KIF6: variants seen among roughly 807,000 people sequenced by gnomAD.
The protein encoded by KIF6 is kinesin family member 6, also known as kinesin-like protein KIF6.
Under a neutral mutation model 112.7 loss-of-function variants are expected in KIF6, and 106 were observed. The observed-to-expected ratio is 0.94, with a 90% confidence interval of 0.80 to 1.11. The LOEUF is 1.11. Ranked by LOEUF, KIF6 falls within the 50% of genes least tolerant of loss-of-function variation. KIF6 has a pLI of 0.00. For missense variants in KIF6, 929 were observed against 964.0 expected (o/e 0.96, Z 0.48); for synonymous variants, 339 against 339.9 (o/e 1.00, Z 0.03).
At chr6:39,500,357 A>C (rs775353114) in intron 13 of KIF6, among the ~76,000 whole-genome samples, 9 of 152,218 alleles carry the variant, frequency 5.9e-5, no homozygotes, top group Non-Finnish European at 8.8e-5. Context: ...GAGAACTGGC[A>C]AGAATAAATA....
chr6:39,365,680 A>G (rs1191135964), intron 16 of KIF6, among the ~76,000 whole-genome samples: 1 of 152,232 alleles, frequency 6.6e-6, no homozygotes, highest in East Asian at 1.9e-4. Context: ...CCTGCTAAAA[A>G]AGTAACACTG....
At chr6:39,340,875 ATGGT>A (rs1407138934) in intron 22 of KIF6, among the ~76,000 whole-genome samples, 1 of 152,026 alleles carries the variant, frequency 6.6e-6, no homozygotes, top group East Asian at 1.9e-4. Context: ...GGGAGGAATG[ATGGT>A]TGGTTTCTAT....
intron 16 of KIF6, among the ~76,000 whole-genome samples, chr6:39,377,032 C>T (rs532748993): frequency 6.6e-6 from 1 of 152,164 alleles, no homozygotes; most frequent in South Asian, 2.1e-4. Context: ...TTGCAGACCA[C>T]TGGGCTAGAG....
intron 13 of KIF6, among the ~76,000 whole-genome samples, chr6:39,489,251 T>G (rs1775317290): frequency 6.6e-6 from 1 of 152,136 alleles, no homozygotes; most frequent in Non-Finnish European, 1.5e-5. Flanking sequence ...TGAAGCTCAG[T>G]TTTTTAAAGG....
intron 3 of KIF6, 146 bp from the exon 4 acceptor site, chr6:39,639,903 C>T (rs1007100685): frequency 4.7e-6 from 3 of 631,782 alleles, no homozygotes; most frequent in East Asian, 3.0e-5. Context: ...ATGTGAATAT[C>T]TAGCTAGAAT....
At chr6:39,486,240 C>T (rs1775106229) in intron 13 of KIF6, among the ~76,000 whole-genome samples, 1 of 152,174 alleles carries the variant, frequency 6.6e-6, no homozygotes, top group African/African-American at 2.4e-5. Flanking sequence ...CATTTCTTTC[C>T]TCTGGGAAAC....
chr6:39,380,798 G>C (rs1462886307), intron 16 of KIF6, among the ~76,000 whole-genome samples: 1 of 152,222 alleles, frequency 6.6e-6, no homozygotes, highest in Non-Finnish European at 1.5e-5. Context: ...CCACCACACA[G>C]ATACAGTGGA....
intron 13 of KIF6, among the ~76,000 whole-genome samples, chr6:39,520,431 A>T (rs150790607): frequency 7.6e-4 from 116 of 152,340 alleles, no homozygotes; most frequent in South Asian, 1.7e-3. Context: ...CCAACACAAC[A>T]CACAATTCTC....
At chr6:39,337,235 CTTTT>C (rs758188254) in intron 22 of KIF6, among the ~76,000 whole-genome samples, 2 of 76,348 alleles carry the variant, frequency 2.6e-5, no homozygotes, top group African/African-American at 5.8e-5. Context: ...TTCTTTCTTT[CTTTT>C]TCTTTCTTTT....
intron 13 of KIF6, among the ~76,000 whole-genome samples, chr6:39,451,839 T>C (rs948445416): frequency 1.4e-4 from 22 of 152,198 alleles, no homozygotes; most frequent in African/African-American, 5.3e-4. Context: ...TGGCACATAT[T>C]AGGTAGTCAT....
At chr6:39,699,540 A>G (rs185056183) in intron 3 of KIF6, among the ~76,000 whole-genome samples, 16 of 152,294 alleles carry the variant, frequency 1.1e-4, no homozygotes, top group Admixed American at 9.8e-4. Flanking sequence ...ACAAGGGGGA[A>G]GTGGATCATG....
intron 3 of KIF6, among the ~76,000 whole-genome samples, chr6:39,646,089 T>C (rs1785157549): frequency 6.6e-6 from 1 of 151,262 alleles, no homozygotes; most frequent in Non-Finnish European, 1.5e-5. Flanking sequence ...CTGCATGTTG[T>C]GCACATGTAC....
chr6:39,490,258 T>C (rs1581967371), intron 13 of KIF6, among the ~76,000 whole-genome samples: 3 of 152,322 alleles, frequency 2.0e-5, no homozygotes, highest in Admixed American at 2.0e-4. Flanking sequence ...CTAAACAGTC[T>C]GATCCATGCA....
chr6:39,514,767 CT>C (rs201184141), intron 13 of KIF6, among the ~76,000 whole-genome samples: 9,559 of 131,332 alleles, frequency 0.073, 421 homozygotes, highest in Middle Eastern at 0.17. Flanking sequence ...AAACTCAAGG[CT>C]TTTTTTCCCC....
intron 13 of KIF6, among the ~76,000 whole-genome samples, chr6:39,470,140 A>G (rs902182562): frequency 3.3e-5 from 5 of 152,214 alleles, no homozygotes; most frequent in African/African-American, 1.2e-4. Context: ...GGAGGGCCAA[A>G]GTGGATTATA....
At chr6:39,491,255 G>C (rs1043790410) in intron 13 of KIF6, among the ~76,000 whole-genome samples, 1 of 151,956 alleles carries the variant, frequency 6.6e-6, no homozygotes, top group African/African-American at 2.4e-5. Context: ...TTTGATGTTG[G>C]TAACTGCCAT....
chr6:39,426,521 AG>A (rs1770777871), intron 14 of KIF6, among the ~76,000 whole-genome samples: 1 of 152,226 alleles, frequency 6.6e-6, no homozygotes, highest in East Asian at 1.9e-4. Context: ...AGGCCCAGGG[AG>A]GGGGGAGGAT....
intron 13 of KIF6, among the ~76,000 whole-genome samples, chr6:39,527,273 G>A (rs111246821): frequency 0.016 from 2,372 of 152,282 alleles, 29 homozygotes; most frequent in Non-Finnish European, 0.024. Flanking sequence ...AGAGAGAGAA[G>A]CAGAGCCTTC....
chr6:39,572,889 G>A (rs921222444), intron 10 of KIF6, among the ~76,000 whole-genome samples: 9 of 150,074 alleles, frequency 6.0e-5, no homozygotes, highest in Non-Finnish European at 8.9e-5. Flanking sequence ...TTAAATTAAA[G>A]CATCCAAGTC....
Sources: allele counts gnomAD v4.1 joint callset (sites outside exome capture counted in the v4.1 genomes callset), GRCh38; gene constraint gnomAD v4.1.1; transcripts MANE v1.5; gene names NCBI Gene and HGNC (gene_info 2026-07-23, HGNC 2026-07-21).